BICD1: variants seen among roughly 807,000 people sequenced by gnomAD.
The protein encoded by BICD1 is BICD cargo adaptor 1.
Under a neutral mutation model 92.5 loss-of-function variants are expected in BICD1, and 35 were observed. The observed-to-expected ratio is 0.38, with a 90% CI of 0.29 to 0.50. The LOEUF is 0.50. BICD1 is among the 20% of genes least tolerant of loss of function. BICD1 has a pLI of 0.93. For synonymous variants in BICD1, 429 were observed against 465.1 expected, an observed-to-expected ratio of 0.92 and a Z score of 1.00; for missense variants, 950 against 1,189.8, an observed-to-expected ratio of 0.80 and a Z score of 2.97.
intron 8 of BICD1, among the ~76,000 whole-genome samples, chr12:32,357,052 C>T (rs1366720823): frequency 7.3e-6 from 1 of 136,144 alleles, no homozygotes; most frequent in Non-Finnish European, 1.5e-5. Flanking sequence ...GCTCTTGTTG[C>T]CCAAGCTGGA....
At chr12:32,289,716 G>A (rs553174641) in intron 2 of BICD1, among the ~76,000 whole-genome samples, 8 of 152,204 alleles carry the variant, frequency 5.3e-5, no homozygotes, top group East Asian at 3.8e-4. Context: ...ATGATTGGGC[G>A]TAGCTTTCTA....
chr12:32,312,590 G>A (rs1307441445), intron 4 of BICD1, among the ~76,000 whole-genome samples: 1 of 152,150 alleles, frequency 6.6e-6, no homozygotes, highest in African/African-American at 2.4e-5. Flanking sequence ...CTAAATTAGG[G>A]AGAGCTTTTT....
At chr12:32,220,455 G>A (rs1040161236) in intron 2 of BICD1, among the ~76,000 whole-genome samples, 47 of 152,116 alleles carry the variant, frequency 3.1e-4, no homozygotes, top group Non-Finnish European at 2.1e-4. Context: ...ACACTTCTCA[G>A]AAGAAGACAT....
At chr12:32,191,612 C>T (rs573044033) in intron 1 of BICD1, among the ~76,000 whole-genome samples, 18 of 135,458 alleles carry the variant, frequency 1.3e-4, no homozygotes, top group East Asian at 1.3e-3. Flanking sequence ...ATATATAATA[C>T]GTATATAATA....
At chr12:32,279,019 G>A (rs772228973) in intron 2 of BICD1, among the ~76,000 whole-genome samples, 1 of 152,122 alleles carries the variant, frequency 6.6e-6, no homozygotes, top group Non-Finnish European at 1.5e-5. Flanking sequence ...ATATAGTGTG[G>A]AATAGATTTT....
At chr12:32,282,117 G>A (rs1160841710) in intron 2 of BICD1, among the ~76,000 whole-genome samples, 5 of 150,088 alleles carry the variant, frequency 3.3e-5, no homozygotes, top group African/African-American at 1.2e-4. Flanking sequence ...CTAGTGAAAA[G>A]AGTGTGAACA....
intron 4 of BICD1, among the ~76,000 whole-genome samples, chr12:32,318,891 A>G (rs1012415799): frequency 3.8e-4 from 58 of 152,192 alleles, no homozygotes; most frequent in Non-Finnish European, 2.1e-4. Flanking sequence ...TTATTTTTTG[A>G]TAGTGCTATA....
chr12:32,128,175 A>T (rs1942411889), intron 1 of BICD1, among the ~76,000 whole-genome samples: 1 of 152,248 alleles, frequency 6.6e-6, no homozygotes, highest in Non-Finnish European at 1.5e-5. Context: ...AAGTGTTGGG[A>T]TCACAGGCGT....
intron 3 of BICD1, among the ~76,000 whole-genome samples, chr12:32,296,257 T>G (rs111779433): frequency 5.4e-5 from 2 of 37,102 alleles, no homozygotes; most frequent in Admixed American, 6.8e-4. Flanking sequence ...TTTTTTTTTG[T>G]TTTTTTTTTT....
intron 2 of BICD1, among the ~76,000 whole-genome samples, chr12:32,285,656 A>G (rs1217463673): frequency 3.9e-5 from 6 of 152,060 alleles, no homozygotes; most frequent in Admixed American, 2.6e-4. Flanking sequence ...AGGTGACTCT[A>G]TCCCTGCCAT....
chr12:32,180,404 A>G (rs1944237128), intron 1 of BICD1, among the ~76,000 whole-genome samples: 2 of 151,910 alleles, frequency 1.3e-5, no homozygotes, highest in Admixed American at 1.3e-4. Flanking sequence ...GGCATCAGGT[A>G]CACATTCTAT....
At chr12:32,238,304 A>T (rs2136075223) in intron 2 of BICD1, among the ~76,000 whole-genome samples, 1 of 152,334 alleles carries the variant, frequency 6.6e-6, no homozygotes, top group Middle Eastern at 3.4e-3. Flanking sequence ...TAGCAAGAGA[A>T]CTAGCATTAA....
At chr12:32,122,114 C>T (rs1472418603) in intron 1 of BICD1, among the ~76,000 whole-genome samples, 1 of 152,124 alleles carries the variant, frequency 6.6e-6, no homozygotes, top group African/African-American at 2.4e-5. Context: ...CTGTACCCAG[C>T]CTCAGTTTGT....
chr12:32,311,618 G>A (rs768101714), intron 4 of BICD1, among the ~76,000 whole-genome samples: 4 of 152,256 alleles, frequency 2.6e-5, no homozygotes, highest in Non-Finnish European at 4.4e-5. Context: ...GGTTGAGTTT[G>A]TCTGAAGGCG....
chr12:32,208,414 G>GA (rs1379793853), intron 1 of BICD1, among the ~76,000 whole-genome samples: 12 of 152,188 alleles, frequency 7.9e-5, no homozygotes, highest in Non-Finnish European at 1.5e-5. Context: ...TTTTACAGAT[G>GA]AAAAAATGGA....
chr12:32,265,710 AT>A (rs1412441063), intron 2 of BICD1, among the ~76,000 whole-genome samples: 2 of 123,020 alleles, frequency 1.6e-5, no homozygotes, highest in Non-Finnish European at 3.3e-5. Flanking sequence ...ACACAGCGAG[AT>A]CCTATTTAAA....
rs767360168 is a variant in BICD1, at chr12:32,378,354, A to G, written c.*727A>G. 1 of 152,256 alleles carries G rather than the reference A, an allele frequency of 6.6e-6. No homozygotes were observed. The highest frequency in any genetic ancestry group is 6.5e-5 in the Admixed American group (1 of 15,288). 9.4% of individuals were successfully genotyped at this position (152,256 alleles called of 1,614,324 possible). A position where few individuals can be genotyped will look rare whatever the true frequency, so the allele number is the denominator to read the frequency against. ...ATTTTTAACTAGAGTTCTTCACTGG[A>G]CATTACTAAGTAAATCTAAGAAAGA... is the stretch of plus-strand genomic sequence containing the variant. On this transcript the variant is annotated 3_prime_UTR_variant, in exon 10 of 10. Coordinates refer to ENST00000652176, the MANE Select transcript of BICD1 (RefSeq NM_001714.4).
intron 2 of BICD1, among the ~76,000 whole-genome samples, chr12:32,239,298 G>A (rs1946168502): frequency 6.6e-6 from 1 of 150,452 alleles, no homozygotes; most frequent in African/African-American, 2.4e-5. Context: ...CGGGCGCTGT[G>A]GCTTACGCCT....
chr12:32,113,365 T>C (rs1049537341), intron 1 of BICD1, among the ~76,000 whole-genome samples: 1 of 152,062 alleles, frequency 6.6e-6, no homozygotes, highest in Non-Finnish European at 1.5e-5. Flanking sequence ...GAGGGTGAAA[T>C]TGATGCTCAA....
Sources: gnomAD v4.1 joint callset for allele counts (sites outside exome capture counted in the v4.1 genomes callset) on GRCh38, gnomAD v4.1.1 for gene constraint, MANE v1.5 for transcripts, NCBI Gene and HGNC (gene_info 2026-07-23, HGNC 2026-07-21) for gene names.